Variants in FBXL17 observed in about 807,000 individuals in gnomAD.
FBXL17 encodes F-box and leucine rich repeat protein 17, also known as F-box/LRR-repeat protein 17.
A neutral mutation model predicts 66.2 loss-of-function variants in FBXL17; 22 were observed. That is an observed-to-expected ratio of 0.33 (90% confidence interval 0.24 to 0.47). The LOEUF is 0.47. Ranked by LOEUF, FBXL17 falls within the 20% of genes least tolerant of loss-of-function variation. The pLI is 1.00. For synonymous variants in FBXL17, 474 were observed against 400.5 expected (o/e 1.18, Z -2.19); for missense variants, 878 against 948.2 (o/e 0.93, Z 0.97).
At chr5:108,104,684 G>A (rs2149944577) in intron 6 of FBXL17, among the ~76,000 whole-genome samples, 1 of 152,322 alleles carries the variant, frequency 6.6e-6, no homozygotes, top group Non-Finnish European at 1.5e-5. Context: ...TTCAGTGAGT[G>A]CAATAGATGA....
rs530526101 is a variant in FBXL17, at chr5:108,278,333, A to C, written c.1507-54105T>G. 4.0e-4 allele frequency among the ~76,000 whole-genome samples: 61 copies of C among 152,330 alleles called. 1 individual carries two copies. Among genetic ancestry groups the C allele is most frequent in the Non-Finnish European group, 1.8e-4 (12 of 68,024 alleles). The stretch of plus-strand genomic sequence containing the variant: ...ACAGTAAGATGCTATTCTCAATCTT[A>C]GCTCTTAAAAGGCTGTGTGCAGTCC... On this transcript the variant is annotated intron_variant, in intron 4 of 8. Transcript: ENST00000542267.
chr5:108,007,426 G>C (rs949305155), intron 7 of FBXL17, among the ~76,000 whole-genome samples: 3 of 152,066 alleles, frequency 2.0e-5, no homozygotes, highest in East Asian at 3.8e-4. Flanking sequence ...GAAGGGATCC[G>C]ATCTTTCCTA....
At chr5:108,312,049 G>A (rs1333014474) in intron 4 of FBXL17, among the ~76,000 whole-genome samples, 1 of 152,094 alleles carries the variant, frequency 6.6e-6, no homozygotes, top group Non-Finnish European at 1.5e-5. Context: ...ACAGAAATGT[G>A]TCTTTGAGAC....
intron 6 of FBXL17, among the ~76,000 whole-genome samples, chr5:108,100,039 C>T (rs1171727205): frequency 6.6e-6 from 1 of 152,116 alleles, no homozygotes; most frequent in African/African-American, 2.4e-5. Flanking sequence ...AGAAATTAAA[C>T]TATCCCAATT....
intron 4 of FBXL17, among the ~76,000 whole-genome samples, chr5:108,291,311 G>A (rs549404064): frequency 6.6e-6 from 1 of 152,302 alleles, no homozygotes; most frequent in African/African-American, 2.4e-5. Context: ...TTGGAGGCAT[G>A]CTAAAAAGTT....
intron 7 of FBXL17, among the ~76,000 whole-genome samples, chr5:107,967,145 G>A (rs891030465): frequency 1.3e-5 from 2 of 151,964 alleles, no homozygotes; most frequent in African/African-American, 4.8e-5. Context: ...TGGAGTCCTT[G>A]TGAGTTAGGA....
intron 3 of FBXL17, among the ~76,000 whole-genome samples, chr5:108,357,572 A>G (rs1435471483): frequency 2.0e-5 from 3 of 152,006 alleles, no homozygotes; most frequent in Admixed American, 2.0e-4. Flanking sequence ...AAAACAAACC[A>G]CATTCCAGGC....
At chr5:108,304,744 T>A (rs935947732) in intron 4 of FBXL17, among the ~76,000 whole-genome samples, 1 of 151,966 alleles carries the variant, frequency 6.6e-6, no homozygotes, top group African/African-American at 2.4e-5. Context: ...TCTCCCTCAT[T>A]TGGTATTTCT....
At chr5:107,961,739 T>C (rs946047372) in intron 7 of FBXL17, among the ~76,000 whole-genome samples, 1 of 152,168 alleles carries the variant, frequency 6.6e-6, no homozygotes, top group Non-Finnish European at 1.5e-5. Flanking sequence ...AAAAGATACC[T>C]GATTCAAGAA....
chr5:107,907,080 A>G (rs13165053), intron 7 of FBXL17, among the ~76,000 whole-genome samples: 4 of 152,200 alleles, frequency 2.6e-5, no homozygotes, highest in Non-Finnish European at 4.4e-5. Flanking sequence ...ATAGTAATTC[A>G]TTGATGAATG....
At chr5:107,970,490 T>G (rs1752327192) in intron 7 of FBXL17, among the ~76,000 whole-genome samples, 1 of 152,176 alleles carries the variant, frequency 6.6e-6, no homozygotes, top group African/African-American at 2.4e-5. Context: ...TTTCGTCTAG[T>G]GCGGTTTTCT....
intron 4 of FBXL17, among the ~76,000 whole-genome samples, chr5:108,282,559 A>G (rs1757742483): frequency 6.6e-6 from 1 of 151,828 alleles, no homozygotes; most frequent in African/African-American, 2.4e-5. Context: ...AGCTAACATA[A>G]TACTAAATGA....
At chr5:108,060,572 A>G (rs1747881202) in intron 6 of FBXL17, among the ~76,000 whole-genome samples, 1 of 152,156 alleles carries the variant, frequency 6.6e-6, no homozygotes, top group Non-Finnish European at 1.5e-5. Flanking sequence ...ACACTTCTGA[A>G]AAAACCTTTT....
chr5:107,922,972 C>T (rs1358767400), intron 7 of FBXL17, among the ~76,000 whole-genome samples: 1 of 152,152 alleles, frequency 6.6e-6, no homozygotes, highest in African/African-American at 2.4e-5. Context: ...CTGTCTAGTG[C>T]CTAAAGCACT....
intron 6 of FBXL17, among the ~76,000 whole-genome samples, chr5:108,108,752 C>T (rs1041141475): frequency 6.6e-6 from 1 of 151,684 alleles, no homozygotes; most frequent in African/African-American, 2.4e-5. Context: ...TTATATGTTT[C>T]CCCAGTGGGC....
chr5:108,137,083 T>G (rs1221917574), intron 6 of FBXL17, among the ~76,000 whole-genome samples: 1 of 152,226 alleles, frequency 6.6e-6, no homozygotes, highest in African/African-American at 2.4e-5. Context: ...TATAGTATTA[T>G]CAAAGTTGCC....
At chr5:108,358,366 T>C (rs567707189) in intron 3 of FBXL17, among the ~76,000 whole-genome samples, 11 of 152,164 alleles carry the variant, frequency 7.2e-5, no homozygotes, top group East Asian at 1.9e-4. Flanking sequence ...CCTAGTTTGA[T>C]AGGTTTTTGT....
chr5:107,930,062 T>C (rs1750679714), intron 7 of FBXL17, among the ~76,000 whole-genome samples: 1 of 152,164 alleles, frequency 6.6e-6, no homozygotes, highest in Non-Finnish European at 1.5e-5. Flanking sequence ...CCTGGTCTTT[T>C]TCCTATCCCC....
In FBXL17 at chr5:108,381,539, C is replaced by T; in HGVS notation, c.153G>A (p.Arg51=). The change falls in exon 1 of 9, where the codon CGG becomes CGA. Residue 51 remains arginine (R), a synonymous_variant. Transcript: ENST00000542267. ...VPPQPAAPRS[R]DCFFRGPCML... is the part of the protein sequence containing the mutation. ...TGCAGGGCCCGCGGAAGAAGCAGTC[C>T]CGGCTCCGGGGCGCCGCCGGCTGAG... The T allele has an allele frequency of 7.0e-7, 1 of 1,424,578 alleles. No individual in the cohort carries two copies. Among genetic ancestry groups the T allele is most frequent in the Non-Finnish European group, 9.1e-7 (1 of 1,097,906 alleles). The allele number at this position is 1,424,578 out of a possible 1,614,324, so 88.2% of individuals were successfully genotyped here. A position where few individuals can be genotyped will look rare whatever the true frequency, so the allele number is the denominator to read the frequency against.
Sources: allele counts gnomAD v4.1 joint callset (sites outside exome capture counted in the v4.1 genomes callset), GRCh38; gene constraint gnomAD v4.1.1; transcripts MANE v1.5; gene names NCBI Gene and HGNC (gene_info 2026-07-23, HGNC 2026-07-21).